The following MALRD1 variants were observed in gnomAD, a reference collection of about 807,000 sequenced individuals.
MALRD1 encodes the protein MAM and LDL-receptor class A domain-containing protein 1.
In MALRD1, 247 loss-of-function variants were observed where a neutral mutation model predicts 242.1. The ratio of observed to expected loss-of-function variants is 1.02; its 90% confidence interval spans 0.92 to 1.13. MALRD1 has a LOEUF of 1.13. MALRD1 is among the 50% of genes most tolerant of loss of function. The pLI, the probability that MALRD1 is intolerant of heterozygous loss-of-function variation, is 0.00. For synonymous variants in MALRD1, 995 were observed against 866.6 expected, an observed-to-expected ratio of 1.15 and a Z score of -2.60; for missense variants, 2,989 against 2,533.1, an observed-to-expected ratio of 1.18 and a Z score of -3.86.
chr10:19,588,009 A>G (rs549091692), intron 33 of MALRD1, among the ~76,000 whole-genome samples: 2 of 151,942 alleles, frequency 1.3e-5, no homozygotes, highest in Non-Finnish European at 2.9e-5. Context: ...ATACATGTAT[A>G]TACAACATCA....
In MALRD1 at chr10:19,332,144, A is replaced by G. The variant is rs368691602; in HGVS notation, c.3901+562A>G. On this transcript the variant is annotated intron_variant, in intron 24 of 39. Coordinates refer to ENST00000454679, the MANE Select transcript of MALRD1 (RefSeq NM_001142308.3). ...TGCCCAGAGTGCTGGGATTGCAGGC[A>G]TGAGTTACTGTGCCTGGCCTGAAAT... Among the ~76,000 whole-genome samples the G allele has an allele frequency of 2.0e-5, 3 of 149,400 alleles. No homozygotes were observed. The East Asian group carries it at 5.9e-4, about 29-fold the overall frequency.
At position 19,175,341 on chromosome 10, in the gene MALRD1, T is replaced by G; in HGVS notation, c.1951+13T>G. 1 of 1,228,190 alleles carries G rather than the reference T, an allele frequency of 8.1e-7. No homozygotes were observed. Among genetic ancestry groups the G allele is most frequent in the Middle Eastern group, 3.1e-4 (1 of 3,182 alleles). The allele number at this position is 1,228,190 out of a possible 1,614,324, so 76.1% of individuals were successfully genotyped here. On this transcript the variant is annotated intron_variant, in intron 14 of 39. Coordinates refer to ENST00000454679, the MANE Select transcript of MALRD1 (RefSeq NM_001142308.3). Reference sequence around the variant, plus strand: ...ACACAAAGCAAGTGTAAGTTTTTCCTTGTCGTTGTTGCTGTTTTAAACATT... The same window carrying G: ...ACACAAAGCAAGTGTAAGTTTTTCCGTGTCGTTGTTGCTGTTTTAAACATT...
At chr10:19,566,841 TTTAAACAGCACTAG>T (rs1337019841) in intron 32 of MALRD1, among the ~76,000 whole-genome samples, 10 of 152,096 alleles carry the variant, frequency 6.6e-5, no homozygotes, top group Admixed American at 5.9e-4. Flanking sequence ...TATAGAATGT[TTTAAACAGCACTAG>T]AAAATGCCAT....
chr10:19,102,787 A>G (rs909175839), intron 4 of MALRD1, among the ~76,000 whole-genome samples: 2 of 152,100 alleles, frequency 1.3e-5, no homozygotes, highest in African/African-American at 4.8e-5. Context: ...GATCAATCAT[A>G]CCAGAGTATC....
intron 18 of MALRD1, among the ~76,000 whole-genome samples, chr10:19,222,271 C>G (rs1476054228): frequency 3.3e-5 from 5 of 152,176 alleles, no homozygotes. Flanking sequence ...AGACTGTTGA[C>G]TAGATTTGGT....
intron 14 of MALRD1, among the ~76,000 whole-genome samples, chr10:19,198,746 T>G (rs569203378): frequency 1.3e-5 from 2 of 152,312 alleles, no homozygotes; most frequent in South Asian, 4.1e-4. Context: ...CCAAAGACAA[T>G]AATGATTTCA....
intron 29 of MALRD1, among the ~76,000 whole-genome samples, chr10:19,459,425 G>A (rs1589113483): frequency 6.6e-6 from 1 of 152,158 alleles, no homozygotes; most frequent in African/African-American, 2.4e-5. Context: ...TTTGAGACAG[G>A]CTTCAGAAGA....
At chr10:19,639,333 C>T (rs1840282958) in intron 36 of MALRD1, among the ~76,000 whole-genome samples, 1 of 152,074 alleles carries the variant, frequency 6.6e-6, no homozygotes, top group Non-Finnish European at 1.5e-5. Context: ...CTTGATTAGG[C>T]AAGTGGCTGA....
chr10:19,605,230 C>G (rs560309413), intron 34 of MALRD1, among the ~76,000 whole-genome samples: 3 of 151,552 alleles, frequency 2.0e-5, no homozygotes, highest in Admixed American at 2.0e-4. Flanking sequence ...TCTTGGCTCA[C>G]TGTAACCTCC....
chr10:19,655,530 GTATATATATATATA>G (rs56752723), intron 36 of MALRD1, among the ~76,000 whole-genome samples: 2,837 of 108,802 alleles, frequency 0.026, 59 homozygotes, highest in East Asian at 0.061. Flanking sequence ...ATGTGTGAGT[GTATATATATATATA>G]TATATATATA....
chr10:19,382,691 G>T (rs1168195061), intron 26 of MALRD1, among the ~76,000 whole-genome samples: 1 of 151,846 alleles, frequency 6.6e-6, no homozygotes, highest in Non-Finnish European at 1.5e-5. Context: ...AATTTTCCTG[G>T]TCTGCTCTGG....
intron 5 of MALRD1, among the ~76,000 whole-genome samples, chr10:19,106,238 A>G (rs1296422518): frequency 6.6e-6 from 1 of 151,722 alleles, no homozygotes; most frequent in African/African-American, 2.4e-5. Flanking sequence ...ACTCTCACAT[A>G]TGAGTGAGAG....
intron 10 of MALRD1, among the ~76,000 whole-genome samples, chr10:19,143,835 G>C (rs1564420348): frequency 6.6e-6 from 1 of 152,194 alleles, no homozygotes; most frequent in Non-Finnish European, 1.5e-5. Context: ...AGGTGGCAGA[G>C]CTCACAGAGA....
At chr10:19,423,395 T>G (rs1833786199) in intron 28 of MALRD1, among the ~76,000 whole-genome samples, 2 of 151,964 alleles carry the variant, frequency 1.3e-5, no homozygotes, top group South Asian at 4.1e-4. Context: ...TATTATTAAA[T>G]AAATATTAAA....
Position 19,307,810 on chromosome 10 carries a change from A to C in MALRD1, c.3420-16139A>C, listed in dbSNP as rs1044624239. Among the ~76,000 whole-genome samples the C allele has an allele frequency of 2.0e-5, 3 of 151,604 alleles. No individual in the cohort carries two copies. The Admixed American group carries it at 2.0e-4, about 10-fold the overall frequency. On this transcript the variant is annotated intron_variant, in intron 21 of 39. Coordinates refer to ENST00000454679, the MANE Select transcript of MALRD1 (RefSeq NM_001142308.3). The stretch of plus-strand genomic sequence containing the variant: ...TACGCTAAAGTTGTTTCTTTCTTGA[A>C]TATTTAATTAAATTTAATTTTTAAT...
intron 21 of MALRD1, among the ~76,000 whole-genome samples, chr10:19,320,764 C>T (rs543990905): frequency 1.7e-4 from 26 of 152,162 alleles, no homozygotes; most frequent in Middle Eastern, 3.4e-3. Context: ...TAATTATCAC[C>T]ATTTTAACTG....
intron 36 of MALRD1, among the ~76,000 whole-genome samples, chr10:19,671,407 T>G (rs1226382269): frequency 6.6e-6 from 1 of 152,062 alleles, no homozygotes; most frequent in African/African-American, 2.4e-5. Flanking sequence ...CACCTGAGGT[T>G]AGAAGTTCGA....
intron 31 of MALRD1, among the ~76,000 whole-genome samples, chr10:19,499,943 G>T (rs1837895532): frequency 6.6e-6 from 1 of 152,144 alleles, no homozygotes; most frequent in South Asian, 2.1e-4. Context: ...AACCAACCTT[G>T]CATCTTAGGA....
chr10:19,409,821 T>C (rs1311834374), intron 28 of MALRD1, among the ~76,000 whole-genome samples: 1 of 152,198 alleles, frequency 6.6e-6, no homozygotes, highest in Admixed American at 6.5e-5. Flanking sequence ...ATTTAGCTTT[T>C]ATATAGCCAA....
Sources: allele counts gnomAD v4.1 joint callset (sites outside exome capture counted in the v4.1 genomes callset), GRCh38; gene constraint gnomAD v4.1.1; transcripts MANE v1.5; gene names NCBI Gene and HGNC (gene_info 2026-07-23, HGNC 2026-07-21).